The following RAP1GDS1 variants were observed in gnomAD, a reference collection of about 807,000 sequenced individuals.
RAP1GDS1 encodes RAP1, GTP-GDP dissociation stimulator 1.
Under a neutral mutation model 71.1 loss-of-function variants are expected in RAP1GDS1, and 35 were observed. The observed-to-expected ratio is 0.49, with a 90% CI of 0.38 to 0.65. The LOEUF is 0.65. RAP1GDS1 is among the 30% of genes least tolerant of loss of function. RAP1GDS1 has a pLI of 0.00. For synonymous variants in RAP1GDS1, 229 were observed against 243.1 expected, an observed-to-expected ratio of 0.94 and a Z score of 0.54; for missense variants, 663 against 706.1, an observed-to-expected ratio of 0.94 and a Z score of 0.69.
rs143728262 is a variant in RAP1GDS1, at chr4:98,395,024, G to A, written c.637+2944G>A. ...GATCCTAAACTGATCACATGACTTA[G>A]TGGATCTCTGGCTTTTGAAAAATAC... On this transcript the variant is annotated intron_variant, in intron 6 of 14. Coordinates refer to ENST00000408927, the MANE Select transcript of RAP1GDS1 (RefSeq NM_001100427.2). 2.4e-3 allele frequency among the ~76,000 whole-genome samples: 368 copies of A among 152,158 alleles called. 2 individuals are homozygous for A. Among genetic ancestry groups the A allele is most frequent in the African/African-American group, 8.3e-3 (343 of 41,532 alleles).
intron 3 of RAP1GDS1, among the ~76,000 whole-genome samples, chr4:98,343,484 G>A (rs938454030): frequency 6.6e-6 from 1 of 152,094 alleles, no homozygotes; most frequent in African/African-American, 2.4e-5. Flanking sequence ...AGAATTATGG[G>A]AAAGCTCTGC....
In RAP1GDS1 at chr4:98,343,430, A is replaced by G. The variant is rs559817110; in HGVS notation, c.235+169A>G. The G allele has an allele frequency of 5.7e-5, 45 of 796,108 alleles. No homozygotes were observed. In the African/African-American group the frequency reaches 7.4e-4, roughly 13 times the overall value. 49.3% of individuals were successfully genotyped at this position (796,108 alleles called of 1,614,324 possible). A position where few individuals can be genotyped will look rare whatever the true frequency, so the allele number is the denominator to read the frequency against. ...AATTGTTTTAAATGGCTATAGTTAC[A>G]GTCATTCATACCTGTCCCATCTGAT... On this transcript the variant is annotated intron_variant, in intron 3 of 14. Coordinates refer to ENST00000408927, the MANE Select transcript of RAP1GDS1 (RefSeq NM_001100427.2).
intron 7 of RAP1GDS1, among the ~76,000 whole-genome samples, chr4:98,408,179 G>T (rs1467441656): frequency 1.3e-5 from 2 of 151,794 alleles, no homozygotes; most frequent in Admixed American, 6.6e-5. Context: ...CACCATCTCG[G>T]CTCACTGCAG....
At chr4:98,272,601 T>C (rs1432794763) in intron 1 of RAP1GDS1, among the ~76,000 whole-genome samples, 1 of 152,142 alleles carries the variant, frequency 6.6e-6, no homozygotes, top group African/African-American at 2.4e-5. Context: ...TCAGTGCATC[T>C]CATCAATTTG....
intron 1 of RAP1GDS1, among the ~76,000 whole-genome samples, chr4:98,268,201 G>A (rs1377156650): frequency 6.6e-6 from 1 of 152,102 alleles, no homozygotes; most frequent in Non-Finnish European, 1.5e-5. Context: ...CACGTTAACA[G>A]AATGAAGAAC....
chr4:98,379,220 A>G lies in RAP1GDS1; in HGVS notation c.508+57A>G, dbSNP rs1741624490. On this transcript the variant is annotated intron_variant, in intron 5 of 14. Coordinates refer to ENST00000408927, the MANE Select transcript of RAP1GDS1 (RefSeq NM_001100427.2). Reference sequence around the variant, plus strand: ...GGGGGAAAAATTAAAAATTATCTTTACTATAGTGCAAAACAAAAATATTTG... The same window carrying G: ...GGGGGAAAAATTAAAAATTATCTTTGCTATAGTGCAAAACAAAAATATTTG... 2.8e-6 allele frequency: 4 copies of G among 1,406,164 alleles called. No individual in the cohort carries two copies. In the East Asian group the frequency reaches 7.8e-5, roughly 28 times the overall value. 87.1% of individuals were successfully genotyped at this position (1,406,164 alleles called of 1,614,324 possible). A position where few individuals can be genotyped will look rare whatever the true frequency, so the allele number is the denominator to read the frequency against.
chr4:98,335,014 A>C (rs535440712), intron 2 of RAP1GDS1, among the ~76,000 whole-genome samples: 2 of 151,960 alleles, frequency 1.3e-5, no homozygotes, highest in African/African-American at 4.8e-5. Context: ...GAGTTTGAAT[A>C]ATGACTGTTT....
intron 2 of RAP1GDS1, among the ~76,000 whole-genome samples, chr4:98,330,619 C>T (rs545405949): frequency 5.1e-4 from 73 of 142,140 alleles, no homozygotes; most frequent in South Asian, 3.6e-3. Context: ...ACATCCCAGA[C>T]GATGGGCGGC....
At chr4:98,289,572 A>AAAG (rs1726609229) in intron 1 of RAP1GDS1, among the ~76,000 whole-genome samples, 1 of 148,176 alleles carries the variant, frequency 6.7e-6, no homozygotes, top group Non-Finnish European at 1.5e-5. Flanking sequence ...AAAAAAAAAA[A>AAAG]AAAGAAAGAA....
At chr4:98,317,443 C>T (rs1448429994) in intron 2 of RAP1GDS1, among the ~76,000 whole-genome samples, 1 of 152,054 alleles carries the variant, frequency 6.6e-6, no homozygotes, top group African/African-American at 2.4e-5. Flanking sequence ...TCTCCAAATT[C>T]GGGGCTAAGG....
Position 98,442,687 on chromosome 4 carries a change from C to CT in RAP1GDS1, c.*575dup, listed in dbSNP as rs1752021174. On this transcript the variant is annotated 3_prime_UTR_variant, in exon 15 of 15. Transcript: ENST00000408927. ...TTTAACTTCTGGTTTCTCCTTTTTC[C>CT]TTTTTAGACTATTGAAACTGCCACA... 4.4e-6 allele frequency: 1 copy of CT among 227,092 alleles called. No homozygotes were observed. The allele number at this position is 227,092 out of a possible 1,614,324, so 14.1% of individuals were successfully genotyped here. A position where few individuals can be genotyped will look rare whatever the true frequency, so the allele number is the denominator to read the frequency against.
chr4:98,434,140 C>A, intron 13 of RAP1GDS1, 78 bp downstream of exon 13: 1 of 1,525,046 alleles, frequency 6.6e-7, no homozygotes, highest in Non-Finnish European at 9.0e-7. Context: ...GAGTTGAAGT[C>A]AGACAGAACC....
chr4:98,416,334 G>GTTTTT lies in RAP1GDS1; in HGVS notation c.764-385_764-381dup, dbSNP rs70955932. On this transcript the variant is annotated intron_variant, in intron 7 of 14. Coordinates refer to ENST00000408927, the MANE Select transcript of RAP1GDS1 (RefSeq NM_001100427.2). ...ATTATCTAAATCATGCATTTTCTTA[G>GTTTTT]TTTTTTTTTTTTTTTTTTTTTTTTT... Among the ~76,000 whole-genome samples, 125 of 51,572 alleles carry GTTTTT rather than the reference G, an allele frequency of 2.4e-3. 18 individuals are homozygous for GTTTTT. The highest frequency in any genetic ancestry group is 4.7e-3 in the African/African-American group (54 of 11,488). 33.8% of individuals were successfully genotyped at this position (51,572 alleles called of 152,430 possible).
At chr4:98,341,038 T>TA (rs911763137) in intron 2 of RAP1GDS1, among the ~76,000 whole-genome samples, 16 of 152,152 alleles carry the variant, frequency 1.1e-4, no homozygotes, top group African/African-American at 2.9e-4. Context: ...GTTTAAAAAA[T>TA]AAAAAAATAC....
intron 7 of RAP1GDS1, among the ~76,000 whole-genome samples, chr4:98,407,463 G>C (rs1430906371): frequency 6.6e-6 from 1 of 150,508 alleles, no homozygotes; most frequent in East Asian, 1.9e-4. Flanking sequence ...AAAATGGGGT[G>C]TGTATACACA....
chr4:98,430,642 CTGTT>C (rs955447720), intron 12 of RAP1GDS1, among the ~76,000 whole-genome samples: 1 of 152,210 alleles, frequency 6.6e-6, no homozygotes, highest in Admixed American at 6.5e-5. Context: ...GATTGCCAAA[CTGTT>C]TGACCATGGA....
At chr4:98,362,296 A>G (rs140885531) in intron 4 of RAP1GDS1, among the ~76,000 whole-genome samples, 1 of 152,240 alleles carries the variant, frequency 6.6e-6, no homozygotes, top group Non-Finnish European at 1.5e-5. Flanking sequence ...CCTGGGCGTC[A>G]TAGCAAGATC....
At chr4:98,417,159 C>T (rs1748156486) in intron 8 of RAP1GDS1, among the ~76,000 whole-genome samples, 3 of 152,132 alleles carry the variant, frequency 2.0e-5, no homozygotes. Flanking sequence ...AGCTAGATGG[C>T]TCCCTGGGAC....
chr4:98,332,349 G>A (rs1338737631), intron 2 of RAP1GDS1, among the ~76,000 whole-genome samples: 1 of 152,174 alleles, frequency 6.6e-6, no homozygotes, highest in African/African-American at 2.4e-5. Context: ...AGACAAGAGT[G>A]CAGAATCAAG....
Sources: gnomAD v4.1 joint callset for allele counts (sites outside exome capture counted in the v4.1 genomes callset) on GRCh38, gnomAD v4.1.1 for gene constraint, MANE v1.5 for transcripts, NCBI Gene and HGNC (gene_info 2026-07-23, HGNC 2026-07-21) for gene names.